The following MSR1 variants were observed in gnomAD, a reference collection of about 807,000 sequenced individuals.
MSR1 encodes the protein macrophage scavenger receptor 1.
MSR1 carries 53 observed loss-of-function variants against 47.2 expected under a neutral mutation model. The ratio of observed to expected loss-of-function variants is 1.12; its 90% CI spans 0.90 to 1.41. The LOEUF is 1.41. MSR1 is among the 40% of genes most tolerant of loss of function. The pLI is 0.00. For synonymous variants in MSR1, 239 were observed against 185.6 expected, an observed-to-expected ratio of 1.29 and a Z score of -2.34; for missense variants, 786 against 546.9, an observed-to-expected ratio of 1.44 and a Z score of -4.36.
intron 8 of MSR1, among the ~76,000 whole-genome samples, chr8:16,127,611 G>A (rs566996792): frequency 1.1e-4 from 16 of 152,100 alleles, no homozygotes; most frequent in East Asian, 1.9e-4. Flanking sequence ...GAAAAAATGC[G>A]GCATTCTTTC....
At chr8:16,164,391 A>G (rs1280635704) in intron 4 of MSR1, 140 bp from the exon 5 acceptor site, 2 of 687,768 alleles carry the variant, frequency 2.9e-6, no homozygotes, top group South Asian at 1.8e-5. Context: ...AAATTAGAAA[A>G]CTGTTTTGAA....
At chr8:16,137,647 A>G (rs916401398) in intron 8 of MSR1, among the ~76,000 whole-genome samples, 36 of 152,072 alleles carry the variant, frequency 2.4e-4, no homozygotes, top group Admixed American at 2.4e-3. Context: ...AGAAATTGGG[A>G]TAATAGTCCT....
intron 1 of MSR1, among the ~76,000 whole-genome samples, chr8:16,189,219 T>A (rs1802093031): frequency 7.0e-6 from 1 of 142,310 alleles, no homozygotes; most frequent in African/African-American, 2.5e-5. Context: ...ATATTTCATA[T>A]ATGTAAAATC....
At chr8:16,175,325 T>C (rs1164067356) in intron 2 of MSR1, 25 bp from the exon 3 acceptor site, 4 of 1,564,226 alleles carry the variant, frequency 2.6e-6, no homozygotes, top group South Asian at 2.2e-5. Context: ...AAGCCCAGCC[T>C]ACTGTTAGAA....
At chr8:16,119,734 G>C (rs1301026277) in intron 9 of MSR1, among the ~76,000 whole-genome samples, 2 of 150,942 alleles carry the variant, frequency 1.3e-5, no homozygotes, top group Admixed American at 6.6e-5. Context: ...TCAGAGACAG[G>C]TCTTGCTCTG....
At position 16,139,514 on chromosome 8, in the gene MSR1, T is replaced by C. The variant is rs1012783232; in HGVS notation, c.1033+4044A>G. On this transcript the variant is annotated intron_variant, in intron 8 of 9. Transcript: ENST00000262101. Reference sequence around the variant, plus strand: ...TAATAGTATGAATCTTGGGTCTGTGTGTTAAAACGTAAAGGAAAGAAGAGT... The same window carrying C: ...TAATAGTATGAATCTTGGGTCTGTGCGTTAAAACGTAAAGGAAAGAAGAGT... 6 of 984,614 alleles carry C rather than the reference T, an allele frequency of 6.1e-6. No individual in the cohort carries two copies. In the African/African-American group the frequency reaches 1.1e-4, roughly 17 times the overall value. The allele number at this position is 984,614 out of a possible 1,614,324, so 61.0% of individuals were successfully genotyped here.
Position 16,175,238 on chromosome 8 carries a change from G to A in MSR1, c.166C>T (p.Leu56Phe). 2 of 1,614,104 alleles carry A rather than the reference G, an allele frequency of 1.2e-6. No homozygotes were observed. The highest frequency in any genetic ancestry group is 1.7e-6 in the Non-Finnish European group (2 of 1,180,006). ...AGAACTGCAAACACGAGGAGGTAAA[G>A]GGCAATCAGTGCAGCTTTGAAGGAC... is the stretch of plus-strand genomic sequence containing the variant. ...LKSFKAALIA[L>F]YLLVFAVLIP... Residue 56 changes from leucine (L) to phenylalanine (F), a missense_variant, in exon 3 of 10, where the codon CTT becomes TTT. Leu to Phe is a conservative substitution (Grantham distance 22). Coordinates refer to ENST00000262101, the MANE Select transcript of MSR1 (RefSeq NM_138715.3).
intron 1 of MSR1, among the ~76,000 whole-genome samples, chr8:16,183,084 C>CAT (rs1296615401): frequency 2.0e-5 from 3 of 152,088 alleles, no homozygotes; most frequent in Non-Finnish European, 4.4e-5. Flanking sequence ...CACCATCATA[C>CAT]ATATGGTCCT....
At chr8:16,182,953 T>G (rs948870299) in intron 1 of MSR1, among the ~76,000 whole-genome samples, 5 of 152,168 alleles carry the variant, frequency 3.3e-5, no homozygotes, top group Non-Finnish European at 5.9e-5. Context: ...GGCAGAGCAG[T>G]AGGCTTGTTT....
At chr8:16,136,614 T>C (rs1240417076) in intron 8 of MSR1, among the ~76,000 whole-genome samples, 2 of 151,760 alleles carry the variant, frequency 1.3e-5, no homozygotes, top group African/African-American at 4.8e-5. Context: ...GAATGCTGCA[T>C]TTTTTTTGAG....
rs1332764549 is a variant in MSR1, at chr8:16,109,517, C to T, written c.*568G>A. On this transcript the variant is annotated 3_prime_UTR_variant, in exon 10 of 10. Transcript: ENST00000262101. ...GACAAGAAAAATAAGCTCCCTGGTC[C>T]ATAGTGGCCAAGACATATCATTAAC... is the stretch of plus-strand genomic sequence containing the variant. 6.5e-6 allele frequency: 1 copy of T among 154,526 alleles called. No individual in the cohort carries two copies. Among genetic ancestry groups the T allele is most frequent in the Non-Finnish European group, 1.4e-5 (1 of 69,550 alleles). 9.6% of individuals were successfully genotyped at this position (154,526 alleles called of 1,614,324 possible).
chr8:16,148,633 C>T (rs6983916), intron 7 of MSR1, among the ~76,000 whole-genome samples: 4 of 151,780 alleles, frequency 2.6e-5, no homozygotes, highest in South Asian at 2.1e-4. Context: ...GGTAGAGACA[C>T]GGTTTCACCA....
chr8:16,188,076 G>A (rs414836), intron 1 of MSR1, among the ~76,000 whole-genome samples: 27,720 of 152,006 alleles, frequency 0.18, 3,958 homozygotes, highest in African/African-American at 0.39. Context: ...TTAAATGTCA[G>A]TGTGCTGATA....
intron 5 of MSR1, among the ~76,000 whole-genome samples, chr8:16,162,898 TTGTC>T (rs1209710323): frequency 2.6e-5 from 4 of 151,718 alleles, no homozygotes; most frequent in Non-Finnish European, 1.5e-5. Flanking sequence ...CTCCACAAGA[TTGTC>T]TGTATAAAAA....
chr8:16,177,750 A>C, intron 2 of MSR1, 136 bp downstream of exon 2: 1 of 705,344 alleles, frequency 1.4e-6, no homozygotes, highest in Non-Finnish European at 2.5e-6. Flanking sequence ...TTCTGTCTCA[A>C]GAATACCCCT....
At chr8:16,186,133 C>G in intron 1 of MSR1, 1 of 1,519,102 alleles carries the variant, frequency 6.6e-7, no homozygotes, top group African/African-American at 1.4e-5. Context: ...TCCCTGAGTG[C>G]ATAAATGAAA....
chr8:16,112,445 T>C (rs909079808), intron 9 of MSR1, among the ~76,000 whole-genome samples: 4 of 152,120 alleles, frequency 2.6e-5, no homozygotes, highest in African/African-American at 4.8e-5. Context: ...ATGGGTTACA[T>C]AGATGTCTAG....
At chr8:16,176,060 G>A (rs902014793) in intron 2 of MSR1, among the ~76,000 whole-genome samples, 9 of 152,036 alleles carry the variant, frequency 5.9e-5, no homozygotes, top group Non-Finnish European at 1.2e-4. Flanking sequence ...TGAATACAAT[G>A]GTCATTAAAA....
intron 6 of MSR1, among the ~76,000 whole-genome samples, chr8:16,153,110 C>A (rs1585166152): frequency 6.6e-6 from 1 of 151,982 alleles, no homozygotes. Context: ...CAGATATTCG[C>A]ATCATGATTG....
Sources: gnomAD v4.1 joint callset for allele counts (sites outside exome capture counted in the v4.1 genomes callset) on GRCh38, gnomAD v4.1.1 for gene constraint, MANE v1.5 for transcripts, NCBI Gene and HGNC (gene_info 2026-07-23, HGNC 2026-07-21) for gene names.